Variants in DPH6 observed in about 807,000 individuals in gnomAD.
DPH6 encodes diphthamine biosynthesis 6.
Under a neutral mutation model 38.2 loss-of-function variants are expected in DPH6, and 33 were observed. The ratio of observed to expected loss-of-function variants is 0.86; its 90% CI spans 0.65 to 1.15. DPH6 has a LOEUF of 1.15. DPH6 is among the 50% of genes most tolerant of loss of function. The probability of loss-of-function intolerance (pLI) is 0.00; values close to 1 mark genes in which losing one functional copy is unlikely to be tolerated. For synonymous variants in DPH6, 108 were observed against 103.0 expected, an observed-to-expected ratio of 1.05 and a Z score of -0.30; for missense variants, 325 against 320.0, an observed-to-expected ratio of 1.02 and a Z score of -0.12.
At chr15:35,347,710 C>G (rs2052474580) in intron 3 of DPH6, among the ~76,000 whole-genome samples, 1 of 150,420 alleles carries the variant, frequency 6.6e-6, no homozygotes, top group Non-Finnish European at 1.5e-5. Flanking sequence ...ATACTATTTT[C>G]CATATTGGCT....
intron 3 of DPH6, among the ~76,000 whole-genome samples, chr15:35,265,791 T>C (rs1012719681): frequency 6.6e-5 from 10 of 152,182 alleles, no homozygotes; most frequent in African/African-American, 9.7e-5. Context: ...AAAAAGTAAA[T>C]TGACAAGTTA....
chr15:35,450,968 CAT>C (rs1192143448), intron 4 of DPH6, among the ~76,000 whole-genome samples, 165 bp from the exon 5 acceptor site: 2 of 152,070 alleles, frequency 1.3e-5, no homozygotes, highest in African/African-American at 2.4e-5. Context: ...ACAACATAAA[CAT>C]ATTTAATTTC....
intron 3 of DPH6, among the ~76,000 whole-genome samples, chr15:35,483,999 G>A (rs971216309): frequency 1.3e-5 from 2 of 152,164 alleles, no homozygotes; most frequent in Non-Finnish European, 2.9e-5. Context: ...CTTATAGAAA[G>A]CAGATTAGTG....
chr15:35,345,512 G>A (rs1289080988), intron 3 of DPH6, among the ~76,000 whole-genome samples: 4 of 151,788 alleles, frequency 2.6e-5, no homozygotes, highest in African/African-American at 9.7e-5. Context: ...GTGGTTGTCT[G>A]TATTATTCTG....
intron 3 of DPH6, among the ~76,000 whole-genome samples, chr15:35,289,560 A>G (rs1321792570): frequency 6.6e-6 from 1 of 152,254 alleles, no homozygotes; most frequent in African/African-American, 2.4e-5. Flanking sequence ...AAAGAATCTC[A>G]TATTATTGTT....
intron 3 of DPH6, among the ~76,000 whole-genome samples, chr15:35,294,876 A>C (rs1056103391): frequency 6.6e-6 from 1 of 152,234 alleles, no homozygotes; most frequent in African/African-American, 2.4e-5. Flanking sequence ...ATCAAAGAGA[A>C]GACAAACAGC....
chr15:35,177,834 C>A, the DPH6 span, among the ~76,000 whole-genome samples: 1 of 151,626 alleles, frequency 6.6e-6, no homozygotes, highest in Non-Finnish European at 1.5e-5. Context: ...CCCAGCTACT[C>A]GGGAGGCTGA....
chr15:35,173,993 A>G, the DPH6 span, among the ~76,000 whole-genome samples: 11 of 152,154 alleles, frequency 7.2e-5, no homozygotes. Context: ...ATGTAACTGA[A>G]CAGAACCATG....
At chr15:35,195,471 T>A in the DPH6 span, among the ~76,000 whole-genome samples, 1 of 152,132 alleles carries the variant, frequency 6.6e-6, no homozygotes, top group Non-Finnish European at 1.5e-5. Context: ...TTGCAAGCAT[T>A]GAATCCATAT....
intron 6 of DPH6, among the ~76,000 whole-genome samples, chr15:35,399,204 T>C (rs1168295847): frequency 6.6e-6 from 1 of 152,048 alleles, no homozygotes; most frequent in Non-Finnish European, 1.5e-5. Context: ...TCAATATTCT[T>C]AGGGAGATTA....
chr15:35,419,047 T>C (rs1325966265), intron 5 of DPH6, among the ~76,000 whole-genome samples: 1 of 138,054 alleles, frequency 7.2e-6, no homozygotes. Context: ...CATGTACCTT[T>C]CAAACTAAAA....
intron 3 of DPH6, among the ~76,000 whole-genome samples, chr15:35,522,514 A>T (rs2054937103): frequency 6.6e-6 from 1 of 152,160 alleles, no homozygotes; most frequent in South Asian, 2.1e-4. Flanking sequence ...GTAAAATAAA[A>T]TAAAATAATA....
intron 6 of DPH6, among the ~76,000 whole-genome samples, chr15:35,383,931 T>A (rs533768858): frequency 6.6e-6 from 1 of 152,240 alleles, no homozygotes; most frequent in Non-Finnish European, 1.5e-5. Context: ...AAGCAGAATC[T>A]TTGTAGCACA....
At chr15:35,299,972 G>A (rs1347140380) in intron 3 of DPH6, among the ~76,000 whole-genome samples, 1 of 152,144 alleles carries the variant, frequency 6.6e-6, no homozygotes, top group Non-Finnish European at 1.5e-5. Flanking sequence ...TTTAACACGC[G>A]GAGACCAGTG....
intron 3 of DPH6, among the ~76,000 whole-genome samples, chr15:35,307,549 A>AGATGAAGGATTT (rs2052102354): frequency 6.6e-6 from 1 of 152,176 alleles, no homozygotes; most frequent in African/African-American, 2.4e-5. Flanking sequence ...GGGTTAACTA[A>AGATGAAGGATTT]CAAAATTGAA....
At chr15:35,204,610 A>C in the DPH6 span, among the ~76,000 whole-genome samples, 1 of 151,766 alleles carries the variant, frequency 6.6e-6, no homozygotes, top group East Asian at 1.9e-4. Context: ...GTTATGCCCA[A>C]AACTCTGGAT....
chr15:35,230,818 A>T (rs1443744370), intron 3 of DPH6, among the ~76,000 whole-genome samples: 1 of 152,104 alleles, frequency 6.6e-6, no homozygotes, highest in Admixed American at 6.5e-5. Context: ...TAGGGCCTGC[A>T]AAGGGAGTTC....
intron 3 of DPH6, among the ~76,000 whole-genome samples, chr15:35,247,788 T>C (rs2051646288): frequency 1.3e-5 from 2 of 152,172 alleles, no homozygotes; most frequent in Admixed American, 1.3e-4. Context: ...ATTTTAAAAA[T>C]AGTGATAATA....
At chr15:35,251,815 A>G (rs2051676756) in intron 3 of DPH6, among the ~76,000 whole-genome samples, 1 of 152,234 alleles carries the variant, frequency 6.6e-6, no homozygotes, top group Admixed American at 6.5e-5. Flanking sequence ...CGCTCATTCA[A>G]TGATAACAAC....
Sources: allele counts gnomAD v4.1 joint callset (sites outside exome capture counted in the v4.1 genomes callset), GRCh38; gene constraint gnomAD v4.1.1; transcripts MANE v1.5; gene names NCBI Gene and HGNC (gene_info 2026-07-23, HGNC 2026-07-21).